The following PHKB variants were observed in gnomAD, a reference collection of about 807,000 sequenced individuals.
The protein encoded by PHKB is phosphorylase kinase regulatory subunit beta, also known as phosphorylase b kinase regulatory subunit beta.
Under a neutral mutation model 152.1 loss-of-function variants are expected in PHKB, and 122 were observed. The ratio of observed to expected loss-of-function variants is 0.80; its 90% CI spans 0.69 to 0.93. PHKB has a LOEUF of 0.93. Ranked by LOEUF, PHKB falls within the 40% of genes least tolerant of loss-of-function variation. PHKB has a pLI of 0.00. For missense variants in PHKB, 1,304 were observed against 1,328.4 expected (o/e 0.98, Z 0.29); for synonymous variants, 436 against 464.9 (o/e 0.94, Z 0.80).
chr16:47,615,712 C>T (rs1292665608), intron 14 of PHKB, among the ~76,000 whole-genome samples: 1 of 152,198 alleles, frequency 6.6e-6, no homozygotes, highest in African/African-American at 2.4e-5. Context: ...TTTCAGAATC[C>T]TTTAATAGTT....
chr16:47,485,622 T>A (rs1970035772), intron 1 of PHKB, among the ~76,000 whole-genome samples: 1 of 152,132 alleles, frequency 6.6e-6, no homozygotes, highest in Non-Finnish European at 1.5e-5. Context: ...TTTGGTTCGT[T>A]CGTATTTATT....
At chr16:47,669,194 A>G (rs1237144638) in intron 25 of PHKB, 21 bp from the exon 26 acceptor site, 13 of 1,586,986 alleles carry the variant, frequency 8.2e-6, no homozygotes, top group African/African-American at 1.3e-5. Context: ...GAATTTTACA[A>G]TAAAATTCTG....
chr16:47,466,846 G>A (rs142617878), intron 1 of PHKB, among the ~76,000 whole-genome samples: 119 of 152,230 alleles, frequency 7.8e-4, no homozygotes, highest in East Asian at 6.6e-3. Context: ...GATTGGAAGA[G>A]AACACAGGCC....
chr16:47,466,929 C>T (rs989054704), intron 1 of PHKB, among the ~76,000 whole-genome samples: 3 of 152,072 alleles, frequency 2.0e-5, no homozygotes, highest in South Asian at 2.1e-4. Flanking sequence ...TTGGTGTTCA[C>T]GTACACCTGG....
chr16:47,611,408 GT>G (rs1972425361), intron 14 of PHKB, among the ~76,000 whole-genome samples: 1 of 152,154 alleles, frequency 6.6e-6, no homozygotes, highest in South Asian at 2.1e-4. Flanking sequence ...AACAAAATAA[GT>G]GTTTGTAGGA....
intron 6 of PHKB, among the ~76,000 whole-genome samples, chr16:47,546,502 T>C (rs192140504): frequency 2.0e-5 from 3 of 152,232 alleles, no homozygotes; most frequent in Non-Finnish European, 4.4e-5. Flanking sequence ...GGCACCCAGC[T>C]GTATGAGGTG....
At chr16:47,522,051 A>G (rs867393571) in intron 6 of PHKB, among the ~76,000 whole-genome samples, 3 of 152,152 alleles carry the variant, frequency 2.0e-5, no homozygotes, top group Non-Finnish European at 4.4e-5. Context: ...TATGTGGATG[A>G]GATACCTTTG....
intron 7 of PHKB, among the ~76,000 whole-genome samples, chr16:47,552,149 G>T (rs1009284755): frequency 6.6e-6 from 1 of 152,036 alleles, no homozygotes; most frequent in Admixed American, 6.6e-5. Context: ...CACACTGATG[G>T]GTCTTTACTC....
intron 3 of PHKB, among the ~76,000 whole-genome samples, chr16:47,500,912 C>T (rs1263419780): frequency 2.0e-5 from 3 of 152,180 alleles, no homozygotes; most frequent in East Asian, 1.9e-4. Flanking sequence ...CACATGAACA[C>T]GATTTATCTG....
At chr16:47,553,667 C>T (rs1327382391) in intron 7 of PHKB, among the ~76,000 whole-genome samples, 2 of 152,090 alleles carry the variant, frequency 1.3e-5, no homozygotes, top group Non-Finnish European at 2.9e-5. Context: ...CCCTGTTCGT[C>T]GATTTATCTA....
At chr16:47,515,961 C>T (rs929405934) in intron 6 of PHKB, among the ~76,000 whole-genome samples, 2 of 148,772 alleles carry the variant, frequency 1.3e-5, no homozygotes, top group African/African-American at 5.0e-5. Flanking sequence ...TGGAGTCTTG[C>T]TCTGTCACGG....
intron 6 of PHKB, among the ~76,000 whole-genome samples, chr16:47,538,749 T>C (rs1305951229): frequency 6.6e-6 from 1 of 152,248 alleles, no homozygotes; most frequent in Non-Finnish European, 1.5e-5. Flanking sequence ...AAGCACCATT[T>C]TGAGAGGCTG....
intron 6 of PHKB, among the ~76,000 whole-genome samples, chr16:47,533,129 A>G (rs1201266932): frequency 2.6e-5 from 4 of 152,068 alleles, no homozygotes; most frequent in Non-Finnish European, 5.9e-5. Context: ...TCCTCTCTGC[A>G]CCTGGTTGTC....
chr16:47,463,824 C>G (rs1969618710), intron 1 of PHKB: 2 of 980,338 alleles, frequency 2.0e-6, no homozygotes, highest in South Asian at 2.7e-5. Context: ...ATGTTAATAA[C>G]TGCTCACACT....
chr16:47,468,429 G>A (rs1969706959), intron 1 of PHKB, among the ~76,000 whole-genome samples: 1 of 152,170 alleles, frequency 6.6e-6, no homozygotes. Flanking sequence ...AGGTGGGTGG[G>A]TTACCTGAGG....
At chr16:47,547,246 C>G (rs1019412200) in intron 6 of PHKB, among the ~76,000 whole-genome samples, 187 bp from the exon 7 acceptor site, 1 of 151,960 alleles carries the variant, frequency 6.6e-6, no homozygotes, top group Non-Finnish European at 1.5e-5. Flanking sequence ...GGAATGGACC[C>G]CTAATTTTTG....
intron 23 of PHKB, among the ~76,000 whole-genome samples, chr16:47,662,937 A>G (rs1437831753): frequency 1.3e-5 from 2 of 152,138 alleles, no homozygotes; most frequent in Non-Finnish European, 2.9e-5. Context: ...TGAAAATGCT[A>G]AGGGAATGAT....
intron 7 of PHKB, chr16:47,565,134 C>T: frequency 1.9e-6 from 1 of 531,528 alleles, no homozygotes. Context: ...ACGGAGACAG[C>T]AGCATACTTG....
intron 6 of PHKB, among the ~76,000 whole-genome samples, chr16:47,540,535 A>G: frequency 6.6e-6 from 1 of 152,000 alleles, no homozygotes; most frequent in South Asian, 2.1e-4. Context: ...AGTGGGCATC[A>G]TGGTCCTACC....
Sources: gnomAD v4.1 joint callset for allele counts (sites outside exome capture counted in the v4.1 genomes callset) on GRCh38, gnomAD v4.1.1 for gene constraint, MANE v1.5 for transcripts, NCBI Gene and HGNC (gene_info 2026-07-23, HGNC 2026-07-21) for gene names.